The following MAP3K8 variants were observed in gnomAD, a reference collection of about 807,000 sequenced individuals.
MAP3K8 encodes Ewing sarcoma transformant.
A neutral mutation model predicts 45.8 loss-of-function variants in MAP3K8; 22 were observed. The observed-to-expected ratio is 0.48, with a 90% CI of 0.34 to 0.69. The LOEUF (loss-of-function observed/expected upper bound fraction) is 0.69, where lower values mean the gene tolerates loss of function less well. MAP3K8 is among the 30% of genes least tolerant of loss of function. The pLI is 0.01. For missense variants in MAP3K8, 419 were observed against 585.0 expected, an observed-to-expected ratio of 0.72 and a Z score of 2.93; for synonymous variants, 223 against 214.3, an observed-to-expected ratio of 1.04 and a Z score of -0.36.
intron 5 of MAP3K8, among the ~76,000 whole-genome samples, chr10:30,451,427 C>A (rs528684092): frequency 6.6e-5 from 10 of 152,236 alleles, no homozygotes; most frequent in South Asian, 2.1e-4. Flanking sequence ...TCATTCATAC[C>A]CACATTGGCT....
chr10:30,460,013 T>G (rs983962665), intron 8 of MAP3K8, among the ~76,000 whole-genome samples: 1 of 152,106 alleles, frequency 6.6e-6, no homozygotes, highest in Non-Finnish European at 1.5e-5. Context: ...TGGCTAATTT[T>G]TGTATTTTTA....
At chr10:30,450,655 T>C in intron 5 of MAP3K8, 136 bp downstream of exon 5, 1 of 691,758 alleles carries the variant, frequency 1.4e-6, no homozygotes, top group Admixed American at 2.6e-5. Flanking sequence ...GTCTTCCTTC[T>C]CCAGAGACAT....
intron 6 of MAP3K8, among the ~76,000 whole-genome samples, chr10:30,455,546 A>G (rs1232838490): frequency 6.6e-6 from 1 of 152,228 alleles, no homozygotes; most frequent in Admixed American, 6.5e-5. Flanking sequence ...TTGAGTTGCA[A>G]GGTACAGAGA....
chr10:30,458,739 G>T (rs1836832917), intron 7 of MAP3K8, among the ~76,000 whole-genome samples: 1 of 152,124 alleles, frequency 6.6e-6, no homozygotes, highest in Admixed American at 6.5e-5. Flanking sequence ...CTTATCTTTT[G>T]TAACATTAAA....
chr10:30,450,760 G>T, intron 5 of MAP3K8: 1 of 468,218 alleles, frequency 2.1e-6, no homozygotes, highest in Non-Finnish European at 3.9e-6. Flanking sequence ...ATACCTATTA[G>T]GTACTGCTCT....
intron 8 of MAP3K8, 111 bp downstream of exon 8, chr10:30,459,612 G>C: frequency 7.9e-7 from 1 of 1,269,014 alleles, no homozygotes; most frequent in Non-Finnish European, 1.1e-6. Context: ...ATGACTTCTT[G>C]AGTACCATAC....
intron 6 of MAP3K8, among the ~76,000 whole-genome samples, chr10:30,454,833 T>G (rs1010127373): frequency 6.6e-6 from 1 of 152,164 alleles, no homozygotes; most frequent in African/African-American, 2.4e-5. Flanking sequence ...GACTTAATGC[T>G]TACGACATGT....
At chr10:30,451,536 G>A (rs1836538798) in intron 5 of MAP3K8, 102 bp from the exon 6 acceptor site, 1 of 573,058 alleles carries the variant, frequency 1.7e-6, no homozygotes, top group Non-Finnish European at 3.1e-6. Context: ...AAGCATTTCA[G>A]TCTTTTCTGA....
rs1588762465 is a variant in MAP3K8, at chr10:30,437,331, A to C, written c.-99A>C. On this transcript the variant is annotated 5_prime_UTR_variant, in exon 2 of 9. Coordinates refer to ENST00000263056, the MANE Select transcript of MAP3K8 (RefSeq NM_005204.4). ...AAAGCAGCTAAAAATGACACAGCTT[A>C]TTTACCATGCCCCTGACACTGCACT... is the stretch of plus-strand genomic sequence containing the variant. The C allele has an allele frequency of 2.0e-6, 2 of 984,778 alleles. No individual in the cohort carries two copies. Among genetic ancestry groups the C allele is most frequent in the East Asian group, 1.1e-4 (1 of 8,828 alleles). The allele number at this position is 984,778 out of a possible 1,614,324, so 61.0% of individuals were successfully genotyped here.
intron 6 of MAP3K8, among the ~76,000 whole-genome samples, chr10:30,456,273 T>C (rs1047313543): frequency 6.6e-6 from 1 of 152,228 alleles, no homozygotes; most frequent in African/African-American, 2.4e-5. Flanking sequence ...TTGTTGACTA[T>C]AGGTACAATG....
intron 1 of MAP3K8, among the ~76,000 whole-genome samples, chr10:30,435,392 A>C (rs1835879046): frequency 6.6e-6 from 1 of 152,102 alleles, no homozygotes; most frequent in Non-Finnish European, 1.5e-5. Context: ...AGCAAATGGG[A>C]ACGTTGAGGC....
In MAP3K8 at chr10:30,458,181, C is replaced by A; in HGVS notation, c.971C>A (p.Thr324Asn). The stretch of plus-strand genomic sequence containing the variant: ...ACGCTCATCCACATGCAGACGGGCA[C>A]CCCACCCTGGGTGAAGCGCTACCCT... ...GATLIHMQTGTPPWVKRYPRS... is the reference protein window; with the variant it reads ...GATLIHMQTGNPPWVKRYPRS... The change falls in exon 7 of 9, where the codon ACC (threonine) becomes AAC (asparagine). Residue 324 changes from threonine (T) to asparagine (N), a missense_variant. Physicochemically the swap from Thr to Asn is moderately conservative, Grantham distance 65. Coordinates refer to ENST00000263056, the MANE Select transcript of MAP3K8 (RefSeq NM_005204.4). 1 of 1,594,164 alleles carries A rather than the reference C, an allele frequency of 6.3e-7. No individual in the cohort carries two copies. The highest frequency in any genetic ancestry group is 8.5e-7 in the Non-Finnish European group (1 of 1,169,754).
chr10:30,458,286 T>G, intron 7 of MAP3K8, 50 bp downstream of exon 7: 1 of 1,263,766 alleles, frequency 7.9e-7, no homozygotes, highest in Non-Finnish European at 1.1e-6. Flanking sequence ...GGCGTTGAGT[T>G]ATGCATCCCG....
intron 4 of MAP3K8, among the ~76,000 whole-genome samples, chr10:30,448,412 A>AGTTTTTT (rs1836415860): frequency 1.4e-5 from 1 of 72,800 alleles, no homozygotes; most frequent in Admixed American, 1.3e-4. Context: ...CCCTATCCCA[A>AGTTTTTT]ATTTATTATT....
intron 8 of MAP3K8, among the ~76,000 whole-genome samples, chr10:30,460,315 C>T (rs1836891065): frequency 6.6e-6 from 1 of 152,196 alleles, no homozygotes; most frequent in Admixed American, 6.5e-5. Context: ...TTTCCAGGAG[C>T]ATTGAATATG....
At chr10:30,438,714 G>A in intron 2 of MAP3K8, 1 of 430,358 alleles carries the variant, frequency 2.3e-6, no homozygotes, top group Non-Finnish European at 4.2e-6. Flanking sequence ...CCTCTGCAAA[G>A]TGAGCTGGAC....
At chr10:30,448,007 T>C in intron 4 of MAP3K8, 58 bp downstream of exon 4, 1 of 1,494,644 alleles carries the variant, frequency 6.7e-7, no homozygotes, top group East Asian at 2.3e-5. Context: ...GGCTTTTGTT[T>C]TTTTGTCCAT....
At chr10:30,439,308 G>T (rs765257061) in intron 3 of MAP3K8, 34 bp downstream of exon 3, 60 of 1,608,854 alleles carry the variant, frequency 3.7e-5, no homozygotes, top group Non-Finnish European at 2.1e-5. Flanking sequence ...GGTGCTATGT[G>T]CTCAGCTTTC....
At chr10:30,447,982 T>G in intron 4 of MAP3K8, 33 bp downstream of exon 4, 1 of 1,560,516 alleles carries the variant, frequency 6.4e-7, no homozygotes, top group Non-Finnish European at 8.6e-7. Context: ...ACCCACACTG[T>G]GTGTTTGGCA....
Sources: gnomAD v4.1 joint callset for allele counts (sites outside exome capture counted in the v4.1 genomes callset) on GRCh38, gnomAD v4.1.1 for gene constraint, MANE v1.5 for transcripts, NCBI Gene and HGNC (gene_info 2026-07-23, HGNC 2026-07-21) for gene names.